Variants in DENND2C observed in about 807,000 individuals in gnomAD.
DENND2C encodes the protein DENN domain containing 2C, also known as DENN domain-containing protein 2C.
Under a neutral mutation model 112.4 loss-of-function variants are expected in DENND2C, and 72 were observed. The observed-to-expected ratio is 0.64, with a 90% CI of 0.53 to 0.78. DENND2C has a LOEUF of 0.78. DENND2C is among the 30% of genes least tolerant of loss of function. DENND2C has a pLI of 0.00. For missense variants in DENND2C, 992 were observed against 1,113.8 expected, an observed-to-expected ratio of 0.89 and a Z score of 1.56; for synonymous variants, 329 against 381.6, an observed-to-expected ratio of 0.86 and a Z score of 1.61.
chr1:114,670,031 T>TATC lies in DENND2C; in HGVS notation c.-625_-623dup, dbSNP rs1657753221. On this transcript the variant is annotated 5_prime_UTR_variant, in exon 1 of 21. In the 5' UTR this introduces an upstream ATG that the reference lacks. Coordinates refer to ENST00000393274, the MANE Select transcript of DENND2C (RefSeq NM_001256404.2). The stretch of plus-strand genomic sequence containing the variant: ...CCTGTGGCCAAGCTAGTCTCCCGGG[T>TATC]ATCACTCGGGTCCGCTCCGTCCCGC... The TATC allele has an allele frequency of 6.5e-6, 1 of 152,696 alleles. No individual in the cohort carries two copies. Among genetic ancestry groups the TATC allele is most frequent in the Non-Finnish European group, 1.5e-5 (1 of 68,540 alleles). 9.5% of individuals were successfully genotyped at this position (152,696 alleles called of 1,614,324 possible). A position where few individuals can be genotyped will look rare whatever the true frequency, so the allele number is the denominator to read the frequency against.
At chr1:114,634,918 C>T (rs1656610791) in intron 3 of DENND2C, among the ~76,000 whole-genome samples, 1 of 150,760 alleles carries the variant, frequency 6.6e-6, no homozygotes, top group Admixed American at 6.7e-5. Flanking sequence ...ATCCCAGCTA[C>T]TGGGGAGGCT....
chr1:114,648,868 T>TA (rs1384159722), intron 2 of DENND2C, among the ~76,000 whole-genome samples: 1 of 152,158 alleles, frequency 6.6e-6, no homozygotes, highest in Non-Finnish European at 1.5e-5. Flanking sequence ...CTAACTTTAA[T>TA]AACATTAAGC....
intron 1 of DENND2C, among the ~76,000 whole-genome samples, chr1:114,660,614 G>A (rs140667802): frequency 5.3e-5 from 8 of 152,252 alleles, no homozygotes; most frequent in East Asian, 3.9e-4. Flanking sequence ...AGACTTGCAC[G>A]GGAGGCTGGA....
At chr1:114,612,397 G>A (rs1655846323) in intron 8 of DENND2C, among the ~76,000 whole-genome samples, 1 of 151,014 alleles carries the variant, frequency 6.6e-6, no homozygotes, top group Non-Finnish European at 1.5e-5. Context: ...TGCTGCACAG[G>A]CTACAGTGCA....
chr1:114,599,591 A>C, intron 15 of DENND2C, 140 bp from the exon 16 acceptor site: 1 of 666,770 alleles, frequency 1.5e-6, no homozygotes, highest in Non-Finnish European at 2.2e-6. Flanking sequence ...TTAATTTTTT[A>C]ACATTTTACT....
At chr1:114,647,138 G>A (rs1055428070) in intron 2 of DENND2C, among the ~76,000 whole-genome samples, 1 of 148,432 alleles carries the variant, frequency 6.7e-6, no homozygotes, top group Non-Finnish European at 1.5e-5. Flanking sequence ...CTCCAGCCTG[G>A]GCAAAAGAGT....
Position 114,630,480 on chromosome 1 carries a change from T to C in DENND2C, c.-204-4292A>G, listed in dbSNP as rs193022569. On this transcript the variant is annotated intron_variant, in intron 3 of 20. Coordinates refer to ENST00000393274, the MANE Select transcript of DENND2C (RefSeq NM_001256404.2). ...ATACTGGATAACAGACAGCTTAAGA[T>C]TGTGATCCCTGAAAGAAGAGAGGAA... is the stretch of plus-strand genomic sequence containing the variant. 1.2e-3 allele frequency among the ~76,000 whole-genome samples: 186 copies of C among 152,180 alleles called. 1 individual carries two copies. Among genetic ancestry groups the C allele is most frequent in the African/African-American group, 4.0e-3 (164 of 41,506 alleles).
chr1:114,668,710 G>C (rs191418777), intron 1 of DENND2C, among the ~76,000 whole-genome samples: 1 of 151,728 alleles, frequency 6.6e-6, no homozygotes, highest in Non-Finnish European at 1.5e-5. Context: ...AAAATCCCTC[G>C]CACACATATC....
chr1:114,624,057 A>G (rs1048437709), intron 4 of DENND2C, among the ~76,000 whole-genome samples: 3 of 152,224 alleles, frequency 2.0e-5, no homozygotes, highest in East Asian at 1.9e-4. Context: ...ACAGAAATAA[A>G]TAAGTACAGA....
At chr1:114,623,703 A>T (rs1033823272) in intron 4 of DENND2C, 60 bp from the exon 5 acceptor site, 39 of 1,248,416 alleles carry the variant, frequency 3.1e-5, no homozygotes, top group South Asian at 7.0e-5. Context: ...TTTATTTTTT[A>T]AAATTTTTAT....
chr1:114,651,158 C>T (rs1657149504), intron 2 of DENND2C, among the ~76,000 whole-genome samples: 1 of 151,844 alleles, frequency 6.6e-6, no homozygotes, highest in Admixed American at 6.6e-5. Flanking sequence ...ATAGTAAGGG[C>T]TAGGCATGGT....
chr1:114,630,126 A>G (rs1184510703), intron 3 of DENND2C, among the ~76,000 whole-genome samples: 4 of 151,948 alleles, frequency 2.6e-5, no homozygotes, highest in Non-Finnish European at 1.5e-5. Flanking sequence ...CATCCTGGCC[A>G]ACACAGTGAA....
At chr1:114,619,915 T>C (rs1253391134) in intron 7 of DENND2C, among the ~76,000 whole-genome samples, 1 of 152,226 alleles carries the variant, frequency 6.6e-6, no homozygotes, top group Non-Finnish European at 1.5e-5. Context: ...CAAGAAATAC[T>C]GTAGAATATT....
At chr1:114,622,946 T>C (rs768750506) in intron 6 of DENND2C, 41 bp downstream of exon 6, 5 of 1,474,690 alleles carry the variant, frequency 3.4e-6, no homozygotes, top group East Asian at 2.3e-5. Flanking sequence ...ATACCATGAA[T>C]AAGATTCTAA....
intron 2 of DENND2C, among the ~76,000 whole-genome samples, chr1:114,651,181 T>G (rs6692088): frequency 0.026 from 3,997 of 152,032 alleles, 90 homozygotes; most frequent in Non-Finnish European, 0.034. Flanking sequence ...CTTACACCTG[T>G]AAACCCAGCA....
At chr1:114,666,166 A>G (rs1179106080) in intron 1 of DENND2C, among the ~76,000 whole-genome samples, 4 of 152,020 alleles carry the variant, frequency 2.6e-5, no homozygotes, top group African/African-American at 9.7e-5. Flanking sequence ...CTACACCTTC[A>G]CTATCTATCC....
chr1:114,647,943 G>T (rs913688407), intron 2 of DENND2C, among the ~76,000 whole-genome samples: 1 of 151,932 alleles, frequency 6.6e-6, no homozygotes, highest in Non-Finnish European at 1.5e-5. Flanking sequence ...GAGTAGCTGA[G>T]ATTACAGGTG....
chr1:114,622,508 T>G (rs1179609929), intron 6 of DENND2C, among the ~76,000 whole-genome samples: 1 of 152,180 alleles, frequency 6.6e-6, no homozygotes, highest in Non-Finnish European at 1.5e-5. Context: ...TCATTTCAAA[T>G]GAAGATAACA....
intron 10 of DENND2C, 44 bp downstream of exon 10, chr1:114,608,642 A>G (rs1278552798): frequency 6.3e-7 from 1 of 1,588,396 alleles, no homozygotes; most frequent in African/African-American, 1.4e-5. Context: ...GTACACAGAG[A>G]CACAGGAACA....
Sources: allele counts gnomAD v4.1 joint callset (sites outside exome capture counted in the v4.1 genomes callset), GRCh38; gene constraint gnomAD v4.1.1; transcripts MANE v1.5; gene names NCBI Gene and HGNC (gene_info 2026-07-23, HGNC 2026-07-21).